The following NELL2 variants were observed in gnomAD, a reference collection of about 807,000 sequenced individuals.
The protein encoded by NELL2 is protein kinase C-binding protein NELL2.
A neutral mutation model predicts 109.6 loss-of-function variants in NELL2; 41 were observed. That is an observed-to-expected ratio of 0.37 (90% CI 0.29 to 0.49). The LOEUF is 0.49. Among genes scored for constraint, NELL2 ranks in the 20% least tolerant of loss-of-function variants. The pLI is 0.98. For missense variants in NELL2, 900 were observed against 1,008.3 expected (o/e 0.89, Z 1.45); for synonymous variants, 355 against 344.7 (o/e 1.03, Z -0.33).
chr12:44,874,100 C>T lies in NELL2; in HGVS notation c.184+1125G>A, dbSNP rs372924266. 5.8e-4 allele frequency among the ~76,000 whole-genome samples: 88 copies of T among 152,278 alleles called. 1 individual carries two copies. In the South Asian group the frequency reaches 0.018, roughly 32 times the overall value. On this transcript the variant is annotated intron_variant, in intron 2 of 19. Transcript: ENST00000429094. ...TAGTGTCCATGGTGACACATACTGG[C>T]TATATCAGGCAACAACACCACTACA...
At chr12:44,732,411 ATACAGGCAAATCTCCAACAAGAATAC>A (rs1939417930) in intron 9 of NELL2, among the ~76,000 whole-genome samples, 1 of 151,968 alleles carries the variant, frequency 6.6e-6, no homozygotes, top group South Asian at 2.1e-4. Context: ...ACTCACTTAC[ATACAGGCAAATCTCCAACAAGAATAC>A]TAAGAATACA....
upstream of NELL2, chr12:44,876,790 C>T (rs1945341066): frequency 2.9e-6 from 4 of 1,381,036 alleles, no homozygotes; most frequent in South Asian, 5.0e-5. Context: ...CCAGGGCGTG[C>T]GGAGGAAGGC....
chr12:44,903,886 C>T (rs150802609), intron 1 of NELL2, among the ~76,000 whole-genome samples: 10,583 of 43,304 alleles, frequency 0.24, 506 homozygotes, highest in Admixed American at 0.36. Context: ...TGGGGCCTGT[C>T]GGGGGGTGGG....
At chr12:44,717,710 TG>T (rs1404830608) in intron 9 of NELL2, among the ~76,000 whole-genome samples, 1 of 152,164 alleles carries the variant, frequency 6.6e-6, no homozygotes, top group Non-Finnish European at 1.5e-5. Flanking sequence ...GAGGAGAGGC[TG>T]CCTTGTAAAA....
At chr12:44,913,683 T>C in intron 1 of NELL2, 1 of 450,270 alleles carries the variant, frequency 2.2e-6, no homozygotes, top group Non-Finnish European at 4.0e-6. Flanking sequence ...AAAAACAATA[T>C]GATTCACATC....
At chr12:44,860,120 T>C (rs1037365836) in intron 2 of NELL2, among the ~76,000 whole-genome samples, 7 of 152,182 alleles carry the variant, frequency 4.6e-5, no homozygotes, top group African/African-American at 1.7e-4. Context: ...TCAGAATTAG[T>C]TCATAAATGG....
At chr12:44,678,361 T>C (rs1415330366) in intron 12 of NELL2, among the ~76,000 whole-genome samples, 1 of 152,056 alleles carries the variant, frequency 6.6e-6, no homozygotes, top group Non-Finnish European at 1.5e-5. Flanking sequence ...AAGATAACTT[T>C]ATAACCTTGC....
At chr12:44,794,047 GC>G (rs1942529064) in intron 3 of NELL2, among the ~76,000 whole-genome samples, 1 of 152,092 alleles carries the variant, frequency 6.6e-6, no homozygotes, top group Non-Finnish European at 1.5e-5. Flanking sequence ...CACAGCCCTG[GC>G]TCCCCCCGTT....
At chr12:44,776,969 T>G in intron 7 of NELL2, 73 bp downstream of exon 7, 2 of 1,290,834 alleles carry the variant, frequency 1.5e-6, no homozygotes, top group South Asian at 1.2e-5. Flanking sequence ...TGAAAATCTA[T>G]GGTTATAAAT....
At chr12:44,865,666 G>A (rs1944972862) in intron 2 of NELL2, among the ~76,000 whole-genome samples, 1 of 91,660 alleles carries the variant, frequency 1.1e-5, no homozygotes, top group African/African-American at 4.1e-5. Flanking sequence ...ACTGTGGTGG[G>A]GTCGGGGGAG....
intron 9 of NELL2, among the ~76,000 whole-genome samples, chr12:44,752,706 T>G (rs976699113): frequency 6.6e-6 from 1 of 152,176 alleles, no homozygotes; most frequent in Non-Finnish European, 1.5e-5. Context: ...ACTTCCTACC[T>G]TTAGACTGCA....
At chr12:44,648,732 T>TATATATATA (rs1491366109) in intron 13 of NELL2, among the ~76,000 whole-genome samples, 9 of 24,930 alleles carry the variant, frequency 3.6e-4, no homozygotes, top group East Asian at 3.2e-3. Context: ...TATATATATA[T>TATATATATA]TTTTTTTTTT....
chr12:44,546,063 C>T (rs1942780913), intron 15 of NELL2, among the ~76,000 whole-genome samples: 1 of 152,074 alleles, frequency 6.6e-6, no homozygotes, highest in Non-Finnish European at 1.5e-5. Flanking sequence ...TTTTGATGAG[C>T]TCACTTACTG....
chr12:44,714,796 G>A, intron 9 of NELL2, 55 bp from the exon 10 acceptor site: 2 of 1,159,682 alleles, frequency 1.7e-6, no homozygotes, highest in Non-Finnish European at 1.2e-6. Flanking sequence ...TAGCTTAGAA[G>A]GGATCAGATC....
intron 15 of NELL2, among the ~76,000 whole-genome samples, chr12:44,598,900 C>T (rs1945082351): frequency 6.6e-6 from 1 of 151,700 alleles, no homozygotes; most frequent in African/African-American, 2.4e-5. Context: ...CTCTCTCTCT[C>T]TCTCTCTCTC....
chr12:44,522,304 T>C (rs1435039500), intron 17 of NELL2, 128 bp from the exon 18 acceptor site: 3 of 683,764 alleles, frequency 4.4e-6, no homozygotes, highest in African/African-American at 1.9e-5. Context: ...TTATCTGATA[T>C]AATAAATTTT....
intron 9 of NELL2, 76 bp downstream of exon 9, chr12:44,774,671 C>A: frequency 8.4e-7 from 1 of 1,197,524 alleles, no homozygotes; most frequent in Non-Finnish European, 1.2e-6. Context: ...CAGATTAAAC[C>A]AATGATGGGT....
intron 15 of NELL2, among the ~76,000 whole-genome samples, chr12:44,556,966 T>G (rs1943282195): frequency 6.6e-6 from 1 of 152,140 alleles, no homozygotes; most frequent in African/African-American, 2.4e-5. Flanking sequence ...AAGGGATTTG[T>G]TTGTTGGACC....
intron 3 of NELL2, among the ~76,000 whole-genome samples, chr12:44,790,669 C>T (rs149705056): frequency 0.017 from 2,584 of 151,378 alleles, 68 homozygotes; most frequent in African/African-American, 0.057. Context: ...CATTTCAATA[C>T]TAACATTGAA....
Sources: gnomAD v4.1 joint callset for allele counts (sites outside exome capture counted in the v4.1 genomes callset) on GRCh38, gnomAD v4.1.1 for gene constraint, MANE v1.5 for transcripts, NCBI Gene and HGNC (gene_info 2026-07-23, HGNC 2026-07-21) for gene names.